MEOX1: variants seen among roughly 807,000 people sequenced by gnomAD.
MEOX1 encodes homeobox protein MOX-1.
MEOX1 carries 17 observed loss-of-function variants against 23.2 expected under a neutral mutation model. The observed-to-expected ratio is 0.73, with a 90% CI of 0.50 to 1.10. The LOEUF (loss-of-function observed/expected upper bound fraction) is 1.10. Among genes scored for constraint, MEOX1 ranks in the 50% least tolerant of loss-of-function variants. MEOX1 has a pLI of 0.00. For synonymous variants in MEOX1, 134 were observed against 135.1 expected (o/e 0.99, Z 0.06); for missense variants, 333 against 332.2 (o/e 1.00, Z -0.02).
At chr17:43,655,660 T>TAAA (rs57762377) in intron 1 of MEOX1, among the ~76,000 whole-genome samples, 6 of 75,592 alleles carry the variant, frequency 7.9e-5, no homozygotes, top group African/African-American at 1.2e-4. Flanking sequence ...CCTGTCTTTC[T>TAAA]AAAAAAAAAA....
chr17:43,640,421 T>A lies in MEOX1; in HGVS notation c.*1489A>T, dbSNP rs536434971. 1 of 152,102 alleles carries A rather than the reference T, an allele frequency of 6.6e-6. No individual in the cohort carries two copies. The highest frequency in any genetic ancestry group is 1.5e-5 in the Non-Finnish European group (1 of 67,996). 9.4% of individuals were successfully genotyped at this position (152,102 alleles called of 1,614,324 possible). On this transcript the variant is annotated 3_prime_UTR_variant, in exon 3 of 3. Transcript: ENST00000318579. ...TTTATTGATTTTATTTCTCCGAGAG[T>A]TTTCTTACAAAGTGAATTGAGCTCG...
At chr17:43,642,065 C>T (rs371644222) in intron 2 of MEOX1, 33 bp from the exon 3 acceptor site, 26 of 1,598,018 alleles carry the variant, frequency 1.6e-5, no homozygotes, top group Middle Eastern at 1.7e-4. Context: ...CTGGTCACTC[C>T]AGGGCCGGTG....
At chr17:43,650,548 T>C (rs559051569) in intron 1 of MEOX1, among the ~76,000 whole-genome samples, 1 of 152,172 alleles carries the variant, frequency 6.6e-6, no homozygotes, top group Non-Finnish European at 1.5e-5. Flanking sequence ...AGGATGAGTA[T>C]GGAGGCTGTG....
At chr17:43,660,049 C>T (rs1024788565) in intron 1 of MEOX1, among the ~76,000 whole-genome samples, 1 of 152,218 alleles carries the variant, frequency 6.6e-6, no homozygotes, top group Non-Finnish European at 1.5e-5. Flanking sequence ...CCTCTACAGG[C>T]TCCGACAGAC....
At chr17:43,651,197 T>A (rs1005405911) in intron 1 of MEOX1, among the ~76,000 whole-genome samples, 2 of 152,066 alleles carry the variant, frequency 1.3e-5, no homozygotes, top group African/African-American at 4.8e-5. Flanking sequence ...CGGGTGCCTG[T>A]AGTCCCAGCT....
chr17:43,657,166 CTTTCTT>C (rs373815912), intron 1 of MEOX1, among the ~76,000 whole-genome samples: 15,678 of 80,828 alleles, frequency 0.19, 1,332 homozygotes, highest in African/African-American at 0.31. Context: ...TTCTTTCTTT[CTTTCTT>C]TTTTTTTTTT....
rs141278321 is a variant in MEOX1, at chr17:43,641,985, C to T, written c.690G>A (p.Lys230=). 1.6e-4 allele frequency: 264 copies of T among 1,614,080 alleles called. No homozygotes were observed. The highest frequency in any genetic ancestry group is 8.5e-4 in the Admixed American group (51 of 60,000). Residue 230 remains lysine, a synonymous_variant, in exon 3 of 3, where the codon AAG becomes AAA. Transcript: ENST00000318579. ...CATTGGGGGAGATGGGCTGACCTCC[C>T]TTCACACGCTTCCACTTCATCCTTC... The part of the protein sequence containing the change: ...QNRRMKWKRV[K]GGQPISPNGQ...
intron 1 of MEOX1, among the ~76,000 whole-genome samples, chr17:43,660,115 G>C (rs1973109987): frequency 6.6e-6 from 1 of 152,222 alleles, no homozygotes; most frequent in Non-Finnish European, 1.5e-5. Context: ...CGGGCAGGAG[G>C]CTTGGTCACT....
intron 1 of MEOX1, among the ~76,000 whole-genome samples, chr17:43,645,341 A>T (rs991441441): frequency 7.9e-5 from 12 of 151,630 alleles, no homozygotes; most frequent in South Asian, 2.1e-4. Flanking sequence ...CACGCCCGGC[A>T]AATTTTTTTG....
At chr17:43,649,824 T>C (rs1972884056) in intron 1 of MEOX1, among the ~76,000 whole-genome samples, 1 of 152,232 alleles carries the variant, frequency 6.6e-6, no homozygotes, top group Admixed American at 6.5e-5. Flanking sequence ...CCTCACCCTC[T>C]GCTGGAGCAG....
At chr17:43,642,920 C>T (rs761924993) in intron 2 of MEOX1, among the ~76,000 whole-genome samples, 3 of 152,212 alleles carry the variant, frequency 2.0e-5, no homozygotes, top group Middle Eastern at 6.3e-3. Context: ...GTGAGAATCA[C>T]CTAGGGGGCC....
At position 43,661,219 on chromosome 17, in the gene MEOX1, T is replaced by G. The variant is rs760592994; in HGVS notation, c.316A>C (p.Asn106His). The G allele has an allele frequency of 2.5e-6, 4 of 1,609,352 alleles. No homozygotes were observed. The African/African-American group carries it at 5.3e-5, about 22-fold the overall frequency. ...TTGGAACCCCCTGCCGGGCCTGAGT[T>G]GGGCCTGCGCCGGGCGTCTGAGACA... ...FPVSDARRRP[N>H]SGPAGGSKEM... Residue 106 changes from asparagine (N) to histidine (H), a missense_variant, in exon 1 of 3, where the codon AAC becomes CAC. Transcript: ENST00000318579.
chr17:43,651,988 G>A (rs182710105), intron 1 of MEOX1, among the ~76,000 whole-genome samples: 2 of 152,320 alleles, frequency 1.3e-5, no homozygotes, highest in African/African-American at 4.8e-5. Context: ...AGGCCCAGGC[G>A]TGGGATTTGT....
intron 2 of MEOX1, 152 bp from the exon 3 acceptor site, chr17:43,642,184 A>G (rs1438665610): frequency 1.9e-5 from 15 of 772,008 alleles, no homozygotes; most frequent in Admixed American, 2.9e-5. Flanking sequence ...CCCAGGAACT[A>G]GGACCGAAGA....
At chr17:43,647,806 G>A (rs1245727049) in intron 1 of MEOX1, among the ~76,000 whole-genome samples, 7 of 152,180 alleles carry the variant, frequency 4.6e-5, no homozygotes, top group Admixed American at 4.6e-4. Context: ...TTCCAGCAGA[G>A]GAAACAGGAA....
Position 43,646,426 on chromosome 17 carries a change from C to T in MEOX1, c.470-2766G>A, listed in dbSNP as rs145436891. Among the ~76,000 whole-genome samples the T allele has an allele frequency of 1.7e-3, 262 of 152,292 alleles. 1 individual carries two copies. The highest frequency in any genetic ancestry group is 6.0e-3 in the African/African-American group (249 of 41,578). The stretch of plus-strand genomic sequence containing the variant: ...CCCGGGCTTAGACGACGGGCGCGGT[C>T]GGGGACTGGTTTCCCAATCTTCTCC... On this transcript the variant is annotated intron_variant, in intron 1 of 2. Coordinates refer to ENST00000318579, the MANE Select transcript of MEOX1 (RefSeq NM_004527.4).
At chr17:43,642,291 C>A (rs1027721057) in intron 2 of MEOX1, among the ~76,000 whole-genome samples, 4 of 152,130 alleles carry the variant, frequency 2.6e-5, no homozygotes, top group Admixed American at 2.6e-4. Context: ...TTGGCCCCAC[C>A]CCCTTCACAT....
chr17:43,650,645 G>A (rs1028507792), intron 1 of MEOX1, among the ~76,000 whole-genome samples: 2 of 152,224 alleles, frequency 1.3e-5, no homozygotes, highest in East Asian at 3.9e-4. Context: ...AATATTTGGA[G>A]CATGACATCA....
At chr17:43,659,989 G>A (rs927186152) in intron 1 of MEOX1, among the ~76,000 whole-genome samples, 2 of 152,222 alleles carry the variant, frequency 1.3e-5, no homozygotes, top group Non-Finnish European at 2.9e-5. Flanking sequence ...CCCACCTGTT[G>A]GTTGGTGTCC....
Sources: allele counts gnomAD v4.1 joint callset (sites outside exome capture counted in the v4.1 genomes callset), GRCh38; gene constraint gnomAD v4.1.1; transcripts MANE v1.5; gene names NCBI Gene and HGNC (gene_info 2026-07-23, HGNC 2026-07-21).